Variants in BMP1 observed in about 807,000 individuals in gnomAD.
The protein encoded by BMP1 is bone morphogenetic protein 1, also known as mammalian tolloid protein.
BMP1 carries 63 observed loss-of-function variants against 116.8 expected under a neutral mutation model. That is an observed-to-expected ratio of 0.54 (90% CI 0.44 to 0.67). The LOEUF (loss-of-function observed/expected upper bound fraction) is 0.67, where lower values mean the gene tolerates loss of function less well. BMP1 is among the 30% of genes least tolerant of loss of function. The probability of loss-of-function intolerance (pLI) is 0.00; values close to 1 mark genes in which losing one functional copy is unlikely to be tolerated. For missense variants in BMP1, 1,183 were observed against 1,358.9 expected, an observed-to-expected ratio of 0.87 and a Z score of 2.04; for synonymous variants, 536 against 533.4, an observed-to-expected ratio of 1.00 and a Z score of -0.07.
rs150994657 is a variant in BMP1 at position 22,190,894 on chromosome 8, C to T, written c.1078-1155C>T. On this transcript the variant is annotated intron_variant, in intron 8 of 19. Coordinates refer to ENST00000306385, the MANE Select transcript of BMP1 (RefSeq NM_006129.5). ...GACACCCCTGAAACCATCGAGTGTC[C>T]GCTGCACTGGCCTCGCAGGTCACGG... is the stretch of plus-strand genomic sequence containing the variant. Among the ~76,000 whole-genome samples the T allele has an allele frequency of 3.0e-3, 457 of 152,268 alleles. 2 individuals carry two copies. Among genetic ancestry groups the T allele is most frequent in the African/African-American group, 0.01 (434 of 41,546 alleles).
chr8:22,178,444 C>T (rs1216512623), intron 6 of BMP1, among the ~76,000 whole-genome samples: 1 of 152,086 alleles, frequency 6.6e-6, no homozygotes, highest in Admixed American at 6.5e-5. Flanking sequence ...CACACGCCAC[C>T]GTGCCTTTTT....
chr8:22,199,241 G>C (rs1390594713), intron 15 of BMP1: 1 of 1,367,488 alleles, frequency 7.3e-7, no homozygotes, highest in African/African-American at 1.5e-5. Context: ...CAGGGCCCGG[G>C]GCATCTGACT....
chr8:22,177,887 G>A lies in BMP1; in HGVS notation c.766G>A (p.Glu256Lys), dbSNP rs774517495. The change falls in exon 6 of 20, where the codon GAG (glutamate) becomes AAG (lysine). Residue 256 changes from glutamate to lysine, a missense_variant. Glu to Lys is a moderately conservative substitution (Grantham distance 56). This residue lies in a region of BMP1 where 956 missense variants were observed against 1,135.2 expected (regional missense o/e 0.84). Transcript: ENST00000306385. Reference protein sequence around the residue: ...EYNFLKMEPQEVESLGETYDF... With the variant: ...EYNFLKMEPQKVESLGETYDF... ...TAACTTCCTGAAGATGGAGCCTCAG[G>A]AGGTGGAGTCCCTGGGGGAGACCTA... The A allele has an allele frequency of 6.2e-7, 1 of 1,613,686 alleles. No individual in the cohort carries two copies. Among genetic ancestry groups the A allele is most frequent in the Non-Finnish European group, 8.5e-7 (1 of 1,179,684 alleles).
chr8:22,169,012 T>C (rs1004542464), intron 1 of BMP1, among the ~76,000 whole-genome samples: 16 of 151,806 alleles, frequency 1.1e-4, no homozygotes, highest in Admixed American at 1.1e-3. Flanking sequence ...TACAAAAAAA[T>C]TTAAAAATTA....
At chr8:22,172,527 C>G (rs1356149800) in intron 1 of BMP1, among the ~76,000 whole-genome samples, 1 of 151,148 alleles carries the variant, frequency 6.6e-6, no homozygotes, top group African/African-American at 2.4e-5. Flanking sequence ...TTCCTCCTAG[C>G]TGGGAAGCTC....
At position 22,176,669 on chromosome 8, in the gene BMP1, G is replaced by C; in HGVS notation, c.551+19G>C. 6.2e-7 allele frequency: 1 copy of C among 1,612,236 alleles called. No individual in the cohort carries two copies. The highest frequency in any genetic ancestry group is 1.1e-5 in the South Asian group (1 of 91,052). ...CTTGCGGGTGAGCAGGAAGCCCTAGGCGCTGTACCTTCCGCCATTGCCCCA... is the reference window on the plus strand; with the variant it reads ...CTTGCGGGTGAGCAGGAAGCCCTAGCCGCTGTACCTTCCGCCATTGCCCCA... On this transcript the variant is annotated intron_variant, in intron 4 of 19. Coordinates refer to ENST00000306385, the MANE Select transcript of BMP1 (RefSeq NM_006129.5).
intron 16 of BMP1, among the ~76,000 whole-genome samples, chr8:22,204,871 G>T (rs1829325035): frequency 6.6e-6 from 1 of 152,226 alleles, no homozygotes; most frequent in Admixed American, 6.5e-5. Flanking sequence ...GAAACAAAAG[G>T]AGAGCGATGG....
At chr8:22,196,305 G>A (rs543403572) in intron 13 of BMP1, 29 of 558,934 alleles carry the variant, frequency 5.2e-5, no homozygotes, top group African/African-American at 2.4e-4. Context: ...TCACTAGGCC[G>A]ATCCTGCTGT....
intron 3 of BMP1, 32 bp from the exon 4 acceptor site, chr8:22,176,501 C>G: frequency 6.2e-7 from 1 of 1,608,102 alleles, no homozygotes; most frequent in Non-Finnish European, 8.5e-7. Context: ...TGCCTGGACA[C>G]CGTGGCAACC....
At chr8:22,206,501 C>CAA (rs759348690) in intron 16 of BMP1, among the ~76,000 whole-genome samples, 3 of 107,042 alleles carry the variant, frequency 2.8e-5, no homozygotes, top group African/African-American at 1.0e-4. Context: ...GACTCCATCT[C>CAA]AAAAAAAAAA....
chr8:22,176,182 A>T lies in BMP1; in HGVS notation c.302A>T (p.Asn101Ile). Reference protein sequence around the residue: ...NTSTPSCQSTNGQPQRGACGR... With the variant: ...NTSTPSCQSTIGQPQRGACGR... ...TCTACCCCCAGCTGCCAGAGCACCAACGGGCAGCCTCAGAGGGGAGCCTGT... is the reference window on the plus strand; with the variant it reads ...TCTACCCCCAGCTGCCAGAGCACCATCGGGCAGCCTCAGAGGGGAGCCTGT... The change falls in exon 3 of 20, where the codon AAC becomes ATC. Residue 101 changes from asparagine to isoleucine, a missense_variant. Transcript: ENST00000306385. The T allele has an allele frequency of 1.9e-6, 3 of 1,614,062 alleles. No individual in the cohort carries two copies. The highest frequency in any genetic ancestry group is 2.5e-6 in the Non-Finnish European group (3 of 1,180,002).
In BMP1 at chr8:22,192,075, C is replaced by T. The variant is rs771141447; in HGVS notation, c.1104C>T (p.Asp368=). The T allele has an allele frequency of 8.1e-6, 13 of 1,613,892 alleles. No individual in the cohort carries two copies. The South Asian group carries it at 9.9e-5, about 12-fold the overall frequency. Residue 368 remains aspartate, a synonymous_variant, in exon 9 of 20, where the codon GAC becomes GAT. Coordinates refer to ENST00000306385, the MANE Select transcript of BMP1 (RefSeq NM_006129.5). The part of the protein sequence containing the change: ...EKIILNFTSL[D]LYRSRLCWYD... ...TCATCCTGAACTTCACGTCCCTGGA[C>T]CTGTACCGCAGCCGCCTGTGCTGGT...
intron 13 of BMP1, 33 bp downstream of exon 13, chr8:22,195,620 C>G (rs1488101543): frequency 6.3e-7 from 1 of 1,584,038 alleles, no homozygotes; most frequent in African/African-American, 1.4e-5. Flanking sequence ...TGACCCTGTT[C>G]TTTCCCTGGC....
At chr8:22,198,080 G>A (rs543594151) in intron 15 of BMP1, among the ~76,000 whole-genome samples, 1 of 152,244 alleles carries the variant, frequency 6.6e-6, no homozygotes, top group African/African-American at 2.4e-5. Flanking sequence ...AACTACTTAG[G>A]AGGCTGAGGT....
At chr8:22,180,561 G>A (rs1003509283) in intron 8 of BMP1, 78 bp downstream of exon 8, 19 of 1,323,842 alleles carry the variant, frequency 1.4e-5, no homozygotes, top group Middle Eastern at 1.8e-4. Context: ...CACAGTGGGG[G>A]TCAATATGGG....
chr8:22,168,888 A>G lies in BMP1; in HGVS notation c.148+3335A>G, dbSNP rs906056359. Among the ~76,000 whole-genome samples, 7 of 152,284 alleles carry G rather than the reference A, an allele frequency of 4.6e-5. No homozygotes were observed. The South Asian group carries it at 6.2e-4, about 14-fold the overall frequency. On this transcript the variant is annotated intron_variant, in intron 1 of 19. Transcript: ENST00000306385. The stretch of plus-strand genomic sequence containing the variant: ...GGAAGAAGGGATTCTTAAGAAGTCT[A>G]GGCAGGGGGCAGTGGCTCATGCCTG...
At position 22,176,263 on chromosome 8, in the gene BMP1, G is replaced by A. The variant is rs199997493; in HGVS notation, c.383G>A (p.Arg128His). The A allele has an allele frequency of 2.5e-6, 4 of 1,612,862 alleles. No individual in the cohort carries two copies. The highest frequency in any genetic ancestry group is 1.3e-5 in the African/African-American group (1 of 75,030). Residue 128 changes from arginine (R) to histidine (H), a missense_variant, in exon 3 of 20, where the codon CGT becomes CAT. Physicochemically the swap from Arg to His is conservative, Grantham distance 29 (BLOSUM62 0). Around this residue, in one of 4 missense-constraint regions of BMP1, gnomAD observed 40 missense variants for 47.5 expected, o/e 0.84. Coordinates refer to ENST00000306385, the MANE Select transcript of BMP1 (RefSeq NM_006129.5). Reference protein sequence around the residue: ...SRRAATSRPERVWPDGVIPFV... With the variant: ...SRRAATSRPEHVWPDGVIPFV... ...CGGGCGGCGACGTCCCGACCAGAGC[G>A]TGTGTGGCCCGATGGGGTCATCCCC... is the stretch of plus-strand genomic sequence containing the variant.
chr8:22,177,971 T>A lies in BMP1; in HGVS notation c.836+14T>A, dbSNP rs200603354. The A allele has an allele frequency of 1.3e-6, 2 of 1,593,834 alleles. No homozygotes were observed. The highest frequency in any genetic ancestry group is 1.7e-6 in the Non-Finnish European group (2 of 1,164,364). ...CACATTCTCCAGGTGGGAGACGGGA[T>A]TGGGGCTGGGCCTCTGCTCGGGCAG... On this transcript the variant is annotated intron_variant, in intron 6 of 19. Coordinates refer to ENST00000306385, the MANE Select transcript of BMP1 (RefSeq NM_006129.5).
intron 18 of BMP1, among the ~76,000 whole-genome samples, chr8:22,208,519 G>A (rs939983771): frequency 1.3e-5 from 2 of 152,234 alleles, no homozygotes; most frequent in Middle Eastern, 3.2e-3. Context: ...GCATGTGTTG[G>A]TAGAGGCATT....
Sources: allele counts gnomAD v4.1 joint callset (sites outside exome capture counted in the v4.1 genomes callset), GRCh38; gene constraint gnomAD v4.1.1; regional missense constraint gnomAD v4.1.1; transcripts MANE v1.5; gene names NCBI Gene and HGNC (gene_info 2026-07-23, HGNC 2026-07-21).